Variants in TBC1D2B observed in about 807,000 individuals in gnomAD.
TBC1D2B encodes TBC1 domain family, member 2B.
In TBC1D2B, 64 loss-of-function variants were observed where a neutral mutation model predicts 100.8. That is an observed-to-expected ratio of 0.64 (90% CI 0.52 to 0.78). The LOEUF is 0.78. Among genes scored for constraint, TBC1D2B ranks in the 30% least tolerant of loss-of-function variants. The pLI, the probability that TBC1D2B is intolerant of heterozygous loss-of-function variation, is 0.00. For missense variants in TBC1D2B, 1,052 were observed against 1,218.4 expected (o/e 0.86, Z 2.03); for synonymous variants, 480 against 479.7 (o/e 1.00, Z -0.01).
At chr15:78,050,087 C>T (rs575930809) in intron 2 of TBC1D2B, among the ~76,000 whole-genome samples, 13 of 152,262 alleles carry the variant, frequency 8.5e-5, no homozygotes, top group African/African-American at 2.4e-4. Context: ...GCACTGCCAA[C>T]GCGGGGCCTG....
At chr15:78,024,124 G>T in intron 6 of TBC1D2B, 32 bp downstream of exon 6, 1 of 1,576,210 alleles carries the variant, frequency 6.3e-7, no homozygotes. Flanking sequence ...GGTCTCTCAT[G>T]CCAATCACCA....
intron 1 of TBC1D2B, among the ~76,000 whole-genome samples, chr15:78,068,383 C>CCACA (rs35403620): frequency 0.11 from 15,353 of 142,938 alleles, 848 homozygotes; most frequent in Middle Eastern, 0.13. Context: ...CACACCACAC[C>CCACA]CACACACACA....
chr15:78,031,468 C>A (rs2072805745), intron 3 of TBC1D2B, among the ~76,000 whole-genome samples: 1 of 143,362 alleles, frequency 7.0e-6, no homozygotes, highest in Non-Finnish European at 1.5e-5. Context: ...GCACAAGAAT[C>A]ACTTGAACCT....
At chr15:78,000,292 G>T (rs1323756810) in intron 12 of TBC1D2B, among the ~76,000 whole-genome samples, 1 of 152,244 alleles carries the variant, frequency 6.6e-6, no homozygotes, top group Non-Finnish European at 1.5e-5. Flanking sequence ...TGCCAGGGAA[G>T]GGCGGGCACT....
At position 78,013,166 on chromosome 15, in the gene TBC1D2B, T is replaced by C. The variant is rs767279913; in HGVS notation, c.1927A>G (p.Ser643Gly). Reference sequence around the variant, plus strand: ...CACATCATCTCCCTGTTCACTGTACTTGCAAAATAGTTTTCCCACTTGACC... The same window carrying C: ...CACATCATCTCCCTGTTCACTGTACCTGCAAAATAGTTTTCCCACTTGACC... ...TGVKWENYFA[S>G]TVNREMMCSP... The change falls in exon 9 of 13, where the codon AGT (serine) becomes GGT (glycine). Residue 643 changes from serine to glycine, a missense_variant. By Grantham distance (56) the Ser-to-Gly change is moderately conservative. Coordinates refer to ENST00000300584, the MANE Select transcript of TBC1D2B (RefSeq NM_144572.2). 2 of 1,613,862 alleles carry C rather than the reference T, an allele frequency of 1.2e-6. No individual in the cohort carries two copies. The highest frequency in any genetic ancestry group is 2.7e-5 in the African/African-American group (2 of 74,898).
At chr15:78,025,167 A>G (rs930761145) in intron 5 of TBC1D2B, 92 bp downstream of exon 5, 6 of 1,102,926 alleles carry the variant, frequency 5.4e-6, no homozygotes, top group Non-Finnish European at 7.9e-6. Context: ...AGCTGTCCCC[A>G]GAAAGACTCA....
At chr15:78,046,614 G>A (rs977228405) in intron 2 of TBC1D2B, among the ~76,000 whole-genome samples, 4 of 151,882 alleles carry the variant, frequency 2.6e-5, no homozygotes, top group Non-Finnish European at 4.4e-5. Flanking sequence ...CTACAGGCAC[G>A]CACGATGCCC....
At chr15:78,058,526 G>A (rs1205015959) in intron 1 of TBC1D2B, among the ~76,000 whole-genome samples, 1 of 152,232 alleles carries the variant, frequency 6.6e-6, no homozygotes, top group Admixed American at 6.5e-5. Context: ...AAAGTGGGGC[G>A]AGTAGGACCT....
chr15:78,047,812 G>A (rs1317326823), intron 2 of TBC1D2B, among the ~76,000 whole-genome samples: 1 of 152,134 alleles, frequency 6.6e-6, no homozygotes, highest in Non-Finnish European at 1.5e-5. Context: ...CTGGAGTGGG[G>A]GGCAGGGGGT....
intron 1 of TBC1D2B, among the ~76,000 whole-genome samples, chr15:78,058,315 T>G (rs1596327840): frequency 6.6e-6 from 1 of 152,058 alleles, no homozygotes; most frequent in Admixed American, 6.6e-5. Context: ...GGGCATGGGG[T>G]CCACGGGGGT....
chr15:78,032,669 A>T (rs1034658769), intron 3 of TBC1D2B, among the ~76,000 whole-genome samples: 12 of 125,416 alleles, frequency 9.6e-5, no homozygotes, highest in Admixed American at 1.6e-4. Flanking sequence ...ATAGAAAATT[A>T]AAAAAAAAAG....
At chr15:78,049,626 T>A (rs2073269480) in intron 2 of TBC1D2B, among the ~76,000 whole-genome samples, 1 of 151,978 alleles carries the variant, frequency 6.6e-6, no homozygotes, top group Non-Finnish European at 1.5e-5. Flanking sequence ...CCACCCCCAT[T>A]CACAGCCACA....
intron 3 of TBC1D2B, among the ~76,000 whole-genome samples, chr15:78,035,967 C>T (rs1323311559): frequency 6.6e-6 from 1 of 152,228 alleles, no homozygotes. Flanking sequence ...CCTCCTGACC[C>T]ATCTGCTGGT....
chr15:78,029,943 A>G, intron 4 of TBC1D2B, 64 bp downstream of exon 4: 1 of 1,378,814 alleles, frequency 7.3e-7, no homozygotes, highest in South Asian at 1.6e-5. Flanking sequence ...ATGTGTCTCC[A>G]CATCACTGGT....
Position 78,027,539 on chromosome 15 carries a change from A to G in TBC1D2B, c.848-2042T>C, listed in dbSNP as rs528050544. On this transcript the variant is annotated intron_variant, in intron 4 of 12. Transcript: ENST00000300584. The stretch of plus-strand genomic sequence containing the variant: ...GAGAGTAAGATCAAAGTCTAGTGAC[A>G]TCTTTGTCTCTCCCTCTCTATCACA... Among the ~76,000 whole-genome samples the G allele has an allele frequency of 7.2e-5, 11 of 152,348 alleles. No individual in the cohort carries two copies. The South Asian group carries it at 1.9e-3, about 26-fold the overall frequency.
At chr15:78,037,783 A>C (rs1254768842) in intron 3 of TBC1D2B, among the ~76,000 whole-genome samples, 1 of 152,178 alleles carries the variant, frequency 6.6e-6, no homozygotes. Context: ...TTAGTATTAG[A>C]AGAGAAAATA....
At chr15:78,054,931 C>A (rs1306250022) in intron 1 of TBC1D2B, among the ~76,000 whole-genome samples, 2 of 151,980 alleles carry the variant, frequency 1.3e-5, no homozygotes, top group Non-Finnish European at 1.5e-5. Flanking sequence ...AAAATGAGAA[C>A]TTTGTCTGGA....
chr15:78,074,172 G>A (rs1461738187), intron 1 of TBC1D2B, among the ~76,000 whole-genome samples: 3 of 151,740 alleles, frequency 2.0e-5, no homozygotes, highest in Admixed American at 1.3e-4. Flanking sequence ...TACAGCGTGC[G>A]CCACCATGCC....
chr15:78,012,976 G>C lies in TBC1D2B; in HGVS notation c.2117C>G (p.Ala706Gly), dbSNP rs760656010. The C allele has an allele frequency of 1.2e-5, 19 of 1,592,202 alleles. No individual in the cohort carries two copies. The highest frequency in any genetic ancestry group is 1.6e-5 in the Non-Finnish European group (19 of 1,165,618). Residue 706 changes from alanine (A) to glycine (G), a missense_variant, in exon 9 of 13, where the codon GCC (alanine) becomes GGC (glycine). By Grantham distance (60) the Ala-to-Gly change is moderately conservative. This residue lies in a region of TBC1D2B where 373 missense variants were observed against 464.9 expected (regional missense o/e 0.80). Transcript: ENST00000300584. ...CAAGTCCAGCTCAATCTGCTTGGAG[G>C]CTGGGTTCTGTTTCTCCAGCGCCTT... ...LQKALEKQNP[A>G]SKQIELDLLR...
Sources: gnomAD v4.1 joint callset for allele counts (sites outside exome capture counted in the v4.1 genomes callset) on GRCh38, gnomAD v4.1.1 for gene constraint, gnomAD v4.1.1 regional missense constraint, MANE v1.5 for transcripts, NCBI Gene and HGNC (gene_info 2026-07-23, HGNC 2026-07-21) for gene names.